Variants in ROBO2 observed in about 807,000 individuals in gnomAD.
The protein encoded by ROBO2 is roundabout homolog 2.
A neutral mutation model predicts 160.8 loss-of-function variants in ROBO2; 53 were observed. That is an observed-to-expected ratio of 0.33 (90% CI 0.26 to 0.41). ROBO2 has a LOEUF of 0.41. Among genes scored for constraint, ROBO2 ranks in the 10% least tolerant of loss-of-function variants. The pLI, the probability that ROBO2 is intolerant of heterozygous loss-of-function variation, is 1.00. For missense variants in ROBO2, 1,577 were observed against 1,722.4 expected (o/e 0.92, Z 1.49); for synonymous variants, 664 against 611.7 (o/e 1.09, Z -1.26).
At chr3:77,175,926 A>G (rs1216746212) in intron 2 of ROBO2, among the ~76,000 whole-genome samples, 3 of 152,078 alleles carry the variant, frequency 2.0e-5, no homozygotes, top group African/African-American at 7.2e-5. Flanking sequence ...CAGAGACAGA[A>G]GTATAATTTT....
At chr3:76,058,410 A>G (rs2067931607) in intron 2 of ROBO2, among the ~76,000 whole-genome samples, 1 of 152,070 alleles carries the variant, frequency 6.6e-6, no homozygotes, top group Admixed American at 6.5e-5. Context: ...AGTTATTACT[A>G]CTGAATGTTT....
At chr3:76,367,799 T>G (rs1249112042) in intron 2 of ROBO2, among the ~76,000 whole-genome samples, 3 of 152,028 alleles carry the variant, frequency 2.0e-5, no homozygotes, top group Non-Finnish European at 4.4e-5. Context: ...TGTAACCAGG[T>G]TTCGTGATAA....
intron 1 of ROBO2, among the ~76,000 whole-genome samples, chr3:75,936,108 T>C (rs1445216986): frequency 6.6e-6 from 1 of 152,230 alleles, no homozygotes; most frequent in Non-Finnish European, 1.5e-5. Context: ...ATTCTGTTTT[T>C]ACATATGAAC....
At chr3:77,148,037 A>T (rs1001000735) in intron 2 of ROBO2, among the ~76,000 whole-genome samples, 1 of 152,246 alleles carries the variant, frequency 6.6e-6, no homozygotes, top group Non-Finnish European at 1.5e-5. Context: ...AAGGCAGTGC[A>T]TCTGCAGGTC....
intron 21 of ROBO2, among the ~76,000 whole-genome samples, chr3:77,611,776 GAA>G (rs1240448620): frequency 1.3e-5 from 2 of 152,046 alleles, no homozygotes; most frequent in Non-Finnish European, 2.9e-5. Context: ...GTTAATTCAG[GAA>G]TATAACAATG....
intron 2 of ROBO2, among the ~76,000 whole-genome samples, chr3:76,416,080 A>G (rs1048669187): frequency 3.3e-5 from 5 of 152,194 alleles, no homozygotes; most frequent in Non-Finnish European, 7.3e-5. Flanking sequence ...TTTCTATCAT[A>G]CTAAAGCAAT....
chr3:77,257,934 T>C (rs2058527009), intron 2 of ROBO2, among the ~76,000 whole-genome samples: 1 of 152,234 alleles, frequency 6.6e-6, no homozygotes, highest in Non-Finnish European at 1.5e-5. Flanking sequence ...ATAAGGAAAG[T>C]GCTTTGTTAT....
At chr3:77,111,161 A>G (rs1443361180) in intron 2 of ROBO2, among the ~76,000 whole-genome samples, 1 of 152,180 alleles carries the variant, frequency 6.6e-6, no homozygotes, top group Non-Finnish European at 1.5e-5. Context: ...AAGACAAGCT[A>G]CATACAGGGA....
intron 2 of ROBO2, among the ~76,000 whole-genome samples, chr3:76,939,979 A>AGTTTTTTT (rs2078050035): frequency 8.3e-6 from 1 of 120,552 alleles, no homozygotes; most frequent in African/African-American, 3.5e-5. Context: ...AAGCAACAGG[A>AGTTTTTTT]TTTTTTTTTT....
chr3:77,243,302 A>C (rs1274128355), intron 2 of ROBO2, among the ~76,000 whole-genome samples: 2 of 152,216 alleles, frequency 1.3e-5, no homozygotes, highest in Non-Finnish European at 2.9e-5. Context: ...AAATAAATTA[A>C]ATTCAGCCCT....
chr3:75,979,698 A>G (rs552553753), intron 2 of ROBO2, among the ~76,000 whole-genome samples: 40 of 151,576 alleles, frequency 2.6e-4, no homozygotes, highest in Non-Finnish European at 4.3e-4. Context: ...TAAACTTCTT[A>G]AGAGCCTTAG....
At chr3:76,905,357 A>C (rs576897137) in intron 2 of ROBO2, among the ~76,000 whole-genome samples, 21 of 152,326 alleles carry the variant, frequency 1.4e-4, no homozygotes, top group African/African-American at 4.6e-4. Context: ...AGAGAAAAAA[A>C]GTCGGAAACT....
chr3:76,666,958 A>G (rs2092073559), intron 2 of ROBO2, among the ~76,000 whole-genome samples: 1 of 130,038 alleles, frequency 7.7e-6, no homozygotes, highest in South Asian at 2.6e-4. Flanking sequence ...ATATTATATG[A>G]CATATATATA....
At chr3:77,309,576 T>C (rs2063372352) in intron 2 of ROBO2, among the ~76,000 whole-genome samples, 1 of 152,246 alleles carries the variant, frequency 6.6e-6, no homozygotes, top group Non-Finnish European at 1.5e-5. Flanking sequence ...TAAAAATACT[T>C]GTATTAAATG....
intron 2 of ROBO2, among the ~76,000 whole-genome samples, chr3:77,273,128 T>C (rs953704440): frequency 6.6e-6 from 1 of 152,140 alleles, no homozygotes; most frequent in African/African-American, 2.4e-5. Context: ...CCCCGTCTAG[T>C]AGCCCCCACT....
rs1004166726 is a variant in ROBO2 at position 77,285,888 on chromosome 3, A to G, written c.388+187548A>G. Reference sequence around the variant, plus strand: ...AAAATAAATGTTATTTATTTTTGAAAAGATAATGCCCTATATAATACCAAA... The same window carrying G: ...AAAATAAATGTTATTTATTTTTGAAGAGATAATGCCCTATATAATACCAAA... On this transcript the variant is annotated intron_variant, in intron 2 of 25. Transcript: ENST00000461745. Among the ~76,000 whole-genome samples the G allele has an allele frequency of 7.2e-5, 11 of 152,342 alleles. No individual in the cohort carries two copies. The East Asian group carries it at 1.9e-3, about 27-fold the overall frequency.
intron 2 of ROBO2, among the ~76,000 whole-genome samples, chr3:76,848,122 C>G (rs2068953844): frequency 6.6e-6 from 1 of 152,050 alleles, no homozygotes; most frequent in African/African-American, 2.4e-5. Context: ...CCTTTTTGTT[C>G]TAAGAACAAT....
intron 2 of ROBO2, among the ~76,000 whole-genome samples, chr3:77,369,649 A>G (rs2153475675): frequency 6.6e-6 from 1 of 152,268 alleles, no homozygotes; most frequent in Admixed American, 6.5e-5. Flanking sequence ...TTGTGCTCCC[A>G]ATTAAAGTTT....
At chr3:77,473,064 G>C (rs370862019) in intron 2 of ROBO2, among the ~76,000 whole-genome samples, 163 of 152,038 alleles carry the variant, frequency 1.1e-3, no homozygotes, top group African/African-American at 3.7e-3. Context: ...GGTTCCGAGC[G>C]TATCTCCCAG....
Sources: allele counts gnomAD v4.1 joint callset (sites outside exome capture counted in the v4.1 genomes callset), GRCh38; gene constraint gnomAD v4.1.1; transcripts MANE v1.5; gene names NCBI Gene and HGNC (gene_info 2026-07-23, HGNC 2026-07-21).